Variants in TCF12 observed in about 807,000 individuals in gnomAD.
The protein encoded by TCF12 is DNA-binding protein HTF4.
A neutral mutation model predicts 86.0 loss-of-function variants in TCF12; 45 were observed. That is an observed-to-expected ratio of 0.52 (90% CI 0.41 to 0.67). The LOEUF is 0.67. Among genes scored for constraint, TCF12 ranks in the 30% least tolerant of loss-of-function variants. The pLI is 0.00. For synonymous variants in TCF12, 330 were observed against 299.6 expected (o/e 1.10, Z -1.05); for missense variants, 881 against 859.9 (o/e 1.02, Z -0.31).
intron 3 of TCF12, among the ~76,000 whole-genome samples, chr15:57,018,796 A>G (rs1283944887): frequency 6.6e-6 from 1 of 152,220 alleles, no homozygotes; most frequent in African/African-American, 2.4e-5. Context: ...TCTTTTCTCA[A>G]AGTAAAACAA....
chr15:57,159,134 G>C (rs2054319385), intron 5 of TCF12, among the ~76,000 whole-genome samples: 1 of 152,212 alleles, frequency 6.6e-6, no homozygotes, highest in Non-Finnish European at 1.5e-5. Context: ...TAATTAAACT[G>C]TGCAGGGTCT....
chr15:57,101,948 C>T (rs2049786246), intron 5 of TCF12, among the ~76,000 whole-genome samples: 1 of 152,212 alleles, frequency 6.6e-6, no homozygotes, highest in Non-Finnish European at 1.5e-5. Context: ...TAGGGATTAG[C>T]AAACTACACA....
chr15:56,943,584 C>CGGT (rs2060874088), intron 3 of TCF12, among the ~76,000 whole-genome samples: 1 of 152,114 alleles, frequency 6.6e-6, no homozygotes, highest in Non-Finnish European at 1.5e-5. Flanking sequence ...GAAAAGGAAA[C>CGGT]AGGCTTCAGG....
At chr15:57,052,036 T>A (rs531104113) in intron 3 of TCF12, among the ~76,000 whole-genome samples, 3 of 152,330 alleles carry the variant, frequency 2.0e-5, no homozygotes, top group African/African-American at 7.2e-5. Flanking sequence ...CTGTTTTAAT[T>A]ACTAGAGCTT....
intron 8 of TCF12, among the ~76,000 whole-genome samples, chr15:57,230,431 C>G (rs1204789281): frequency 2.6e-5 from 4 of 151,894 alleles, no homozygotes; most frequent in Non-Finnish European, 5.9e-5. Context: ...TATTTGGCTG[C>G]CCATTTAGTT....
chr15:57,096,796 A>T (rs1448166534), intron 5 of TCF12, among the ~76,000 whole-genome samples: 3 of 152,196 alleles, frequency 2.0e-5, no homozygotes, highest in Non-Finnish European at 2.9e-5. Context: ...CAGACTGTAT[A>T]TATTGTTGTA....
At chr15:57,072,047 A>G (rs1208066939) in intron 4 of TCF12, among the ~76,000 whole-genome samples, 3 of 152,230 alleles carry the variant, frequency 2.0e-5, no homozygotes, top group African/African-American at 7.2e-5. Context: ...TGTTTTATAA[A>G]TATTAACTTA....
intron 13 of TCF12, among the ~76,000 whole-genome samples, 161 bp downstream of exon 13, chr15:57,243,711 G>C (rs763424333): frequency 2.6e-5 from 4 of 152,098 alleles, no homozygotes; most frequent in Non-Finnish European, 5.9e-5. Context: ...ATTCATTTTG[G>C]AGAATATTGA....
intron 3 of TCF12, among the ~76,000 whole-genome samples, chr15:56,984,709 C>T (rs2063098286): frequency 6.6e-6 from 1 of 152,066 alleles, no homozygotes; most frequent in Non-Finnish European, 1.5e-5. Flanking sequence ...GTCTGTGGTT[C>T]AAGATTGAGA....
chr15:56,991,174 G>A (rs1180671508), intron 3 of TCF12, among the ~76,000 whole-genome samples: 1 of 152,144 alleles, frequency 6.6e-6, no homozygotes, highest in African/African-American at 2.4e-5. Context: ...GTCATGTAAT[G>A]AAAGATGATA....
At chr15:57,231,467 T>TC (rs2059136747) in intron 9 of TCF12, among the ~76,000 whole-genome samples, 1 of 152,150 alleles carries the variant, frequency 6.6e-6, no homozygotes, top group African/African-American at 2.4e-5. Flanking sequence ...GGAGTGCTGG[T>TC]CCAGTATTGA....
At chr15:57,172,356 G>T (rs932189893) in intron 6 of TCF12, among the ~76,000 whole-genome samples, 4 of 152,150 alleles carry the variant, frequency 2.6e-5, no homozygotes, top group African/African-American at 9.7e-5. Context: ...ACTTAGTAAA[G>T]ATGTAGAACA....
At chr15:57,254,261 A>G (rs1446300586) in intron 16 of TCF12, among the ~76,000 whole-genome samples, 1 of 152,218 alleles carries the variant, frequency 6.6e-6, no homozygotes, top group Non-Finnish European at 1.5e-5. Flanking sequence ...AAACTTACCT[A>G]TCATCAAAAT....
At chr15:57,174,165 G>T (rs1230318939) in intron 6 of TCF12, among the ~76,000 whole-genome samples, 3 of 152,172 alleles carry the variant, frequency 2.0e-5, no homozygotes, top group African/African-American at 7.2e-5. Context: ...GAGGAAGAGT[G>T]AACATTTCTC....
intron 12 of TCF12, among the ~76,000 whole-genome samples, chr15:57,236,974 G>C (rs2059406435): frequency 6.6e-6 from 1 of 152,086 alleles, no homozygotes; most frequent in Non-Finnish European, 1.5e-5. Context: ...GAGTTATATA[G>C]AGGAAGAAAC....
intron 5 of TCF12, among the ~76,000 whole-genome samples, chr15:57,114,912 A>G (rs2050738972): frequency 6.6e-6 from 1 of 152,122 alleles, no homozygotes; most frequent in African/African-American, 2.4e-5. Flanking sequence ...CAGGACTAAA[A>G]TGAGGATTTT....
Position 57,224,022 on chromosome 15 carries a change from T to C in TCF12, c.580-7130T>C, listed in dbSNP as rs980551650. ...ACATTTTTCCCCTTTACCAAAAATA[T>C]CTGCGACTATGGTGTGTGAGCCCAA... On this transcript the variant is annotated intron_variant, in intron 8 of 20. Coordinates refer to ENST00000333725, the MANE Select transcript of TCF12 (RefSeq NM_207037.2). Among the ~76,000 whole-genome samples, 10 of 152,136 alleles carry C rather than the reference T, an allele frequency of 6.6e-5. No homozygotes were observed. The East Asian group carries it at 1.7e-3, about 26-fold the overall frequency.
At chr15:57,017,181 G>A (rs760007283) in intron 3 of TCF12, among the ~76,000 whole-genome samples, 4 of 152,118 alleles carry the variant, frequency 2.6e-5, no homozygotes, top group African/African-American at 9.7e-5. Context: ...TGAGATTATG[G>A]GTGCTCTCTC....
At chr15:57,246,567 GTCTC>G (rs566411133) in intron 13 of TCF12, among the ~76,000 whole-genome samples, 1 of 151,276 alleles carries the variant, frequency 6.6e-6, no homozygotes, top group East Asian at 1.9e-4. Flanking sequence ...AAAAAAGACC[GTCTC>G]TCTTTTTTTT....
Sources: gnomAD v4.1 joint callset for allele counts (sites outside exome capture counted in the v4.1 genomes callset) on GRCh38, gnomAD v4.1.1 for gene constraint, MANE v1.5 for transcripts, NCBI Gene and HGNC (gene_info 2026-07-23, HGNC 2026-07-21) for gene names.